The following ATXN1 variants were observed in gnomAD, a reference collection of about 807,000 sequenced individuals.
The protein encoded by ATXN1 is ataxin 1.
Under a neutral mutation model 56.4 loss-of-function variants are expected in ATXN1, and 8 were observed. That is an observed-to-expected ratio of 0.14 (90% CI 0.08 to 0.26). The LOEUF (loss-of-function observed/expected upper bound fraction) is 0.26. Among genes scored for constraint, ATXN1 ranks in the 10% least tolerant of loss-of-function variants. The probability of loss-of-function intolerance (pLI) is 1.00; values close to 1 mark genes in which losing one functional copy is unlikely to be tolerated. For missense variants in ATXN1, 987 were observed against 1,106.5 expected (o/e 0.89, Z 1.53); for synonymous variants, 514 against 494.6 (o/e 1.04, Z -0.52).
chr6:16,747,987 A>G (rs1760590225), intron 2 of ATXN1, among the ~76,000 whole-genome samples: 1 of 152,184 alleles, frequency 6.6e-6, no homozygotes, highest in African/African-American at 2.4e-5. Flanking sequence ...ATATCTGCCA[A>G]ATCTTGCAAG....
At chr6:16,705,729 A>G (rs1759393113) in intron 2 of ATXN1, among the ~76,000 whole-genome samples, 1 of 152,176 alleles carries the variant, frequency 6.6e-6, no homozygotes, top group Non-Finnish European at 1.5e-5. Flanking sequence ...GCCGCAGCAC[A>G]CAGACCTGTG....
At chr6:16,570,981 T>C (rs1481927602) in intron 4 of ATXN1, among the ~76,000 whole-genome samples, 1 of 152,150 alleles carries the variant, frequency 6.6e-6, no homozygotes, top group Non-Finnish European at 1.5e-5. Flanking sequence ...ACCTGTTTGA[T>C]GCCTGTGTGC....
chr6:16,507,828 G>A (rs1442856950), intron 5 of ATXN1, among the ~76,000 whole-genome samples: 1 of 152,122 alleles, frequency 6.6e-6, no homozygotes, highest in Non-Finnish European at 1.5e-5. Flanking sequence ...ATTCTTGGAA[G>A]TATGACTTTC....
In ATXN1 at chr6:16,327,645, C is replaced by A. The variant is rs771672680; in HGVS notation, c.666G>T (p.Gln222His). Reference sequence around the variant, plus strand: ...GAGCCCTGCTGAGGTGCTGCTGCTGCTGCTGCTGCTGCTGCTGCTGCTGCT... The same window carrying A: ...GAGCCCTGCTGAGGTGCTGCTGCTGATGCTGCTGCTGCTGCTGCTGCTGCT... ...QQQQQQQQQQ[Q>H]QQQHLSRAPG... Residue 222 changes from glutamine (Q) to histidine (H), a missense_variant, in exon 7 of 8, where the codon CAG becomes CAT. Physicochemically the swap from Gln to His is conservative, Grantham distance 24 (BLOSUM62 0). This residue lies in a region of ATXN1 where 723 missense variants were observed against 791.7 expected (regional missense o/e 0.91). Coordinates refer to ENST00000436367, the MANE Select transcript of ATXN1 (RefSeq NM_001128164.2). 2.1e-6 allele frequency: 3 copies of A among 1,449,170 alleles called. No individual in the cohort carries two copies. Among genetic ancestry groups the A allele is most frequent in the Non-Finnish European group, 2.7e-6 (3 of 1,095,958 alleles). 89.8% of individuals were successfully genotyped at this position (1,449,170 alleles called of 1,614,324 possible).
intron 3 of ATXN1, among the ~76,000 whole-genome samples, chr6:16,636,164 T>C (rs1352714476): frequency 2.0e-5 from 3 of 152,162 alleles, no homozygotes; most frequent in African/African-American, 7.2e-5. Context: ...CTCTTTCAAA[T>C]GCAAAATGTC....
intron 5 of ATXN1, among the ~76,000 whole-genome samples, chr6:16,516,197 T>C (rs1450977821): frequency 6.6e-6 from 1 of 152,220 alleles, no homozygotes; most frequent in Non-Finnish European, 1.5e-5. Flanking sequence ...GTAAATATTT[T>C]TGAGCCAGAT....
At chr6:16,756,047 C>T (rs905647794) in intron 1 of ATXN1, among the ~76,000 whole-genome samples, 6 of 151,828 alleles carry the variant, frequency 4.0e-5, no homozygotes, top group Non-Finnish European at 7.4e-5. Flanking sequence ...GGTAGTAATG[C>T]GTAATACAAA....
At chr6:16,604,473 T>C (rs1044569581) in intron 3 of ATXN1, among the ~76,000 whole-genome samples, 5 of 151,928 alleles carry the variant, frequency 3.3e-5, no homozygotes, top group African/African-American at 9.7e-5. Flanking sequence ...CTCTCCAGCC[T>C]GGGTGATGGA....
chr6:16,565,940 A>G (rs1051481342), intron 4 of ATXN1, among the ~76,000 whole-genome samples: 2 of 152,226 alleles, frequency 1.3e-5, no homozygotes, highest in African/African-American at 4.8e-5. Context: ...ATTTCCATGA[A>G]GAGGTGCCAG....
At chr6:16,451,651 A>G (rs1759755272) in intron 6 of ATXN1, among the ~76,000 whole-genome samples, 1 of 152,070 alleles carries the variant, frequency 6.6e-6, no homozygotes, top group Non-Finnish European at 1.5e-5. Context: ...GCTACTCAGA[A>G]GGCTGAGGCA....
At chr6:16,547,570 T>C (rs1761837100) in intron 4 of ATXN1, among the ~76,000 whole-genome samples, 1 of 152,126 alleles carries the variant, frequency 6.6e-6, no homozygotes, top group South Asian at 2.1e-4. Context: ...TGCATTGTCT[T>C]ACAGTCCTGG....
At chr6:16,670,341 GA>G (rs1286653014) in intron 2 of ATXN1, among the ~76,000 whole-genome samples, 1 of 152,128 alleles carries the variant, frequency 6.6e-6, no homozygotes, top group African/African-American at 2.4e-5. Flanking sequence ...GCTGGCTCTA[GA>G]AAATACAGAT....
At position 16,570,344 on chromosome 6, in the gene ATXN1, C is replaced by T. The variant is rs115374372; in HGVS notation, c.-361+15436G>A. 2.9e-3 allele frequency among the ~76,000 whole-genome samples: 447 copies of T among 152,316 alleles called. 1 individual carries two copies. The highest frequency in any genetic ancestry group is 9.9e-3 in the African/African-American group (412 of 41,582). On this transcript the variant is annotated intron_variant, in intron 4 of 7. Coordinates refer to ENST00000436367, the MANE Select transcript of ATXN1 (RefSeq NM_001128164.2). The stretch of plus-strand genomic sequence containing the variant: ...CTGAAGAAGTGAATGTGTTGAATCA[C>T]TAATCTTACTTTGAGTGTCCTTGTG...
At chr6:16,359,752 G>A (rs1160097030) in intron 6 of ATXN1, among the ~76,000 whole-genome samples, 2 of 152,012 alleles carry the variant, frequency 1.3e-5, no homozygotes, top group Non-Finnish European at 2.9e-5. Flanking sequence ...CTGGACGCAG[G>A]ACAAAAACTT....
At chr6:16,426,826 T>G (rs1449621646) in intron 6 of ATXN1, among the ~76,000 whole-genome samples, 2 of 151,022 alleles carry the variant, frequency 1.3e-5, no homozygotes, top group African/African-American at 4.9e-5. Flanking sequence ...CCCCATCTCT[T>G]AGATGTATCT....
intron 7 of ATXN1, among the ~76,000 whole-genome samples, chr6:16,309,006 T>A (rs1259919850): frequency 6.6e-6 from 1 of 151,722 alleles, no homozygotes; most frequent in African/African-American, 2.4e-5. Context: ...ACAGGGAGGA[T>A]CACTTGAGGC....
Position 16,553,395 on chromosome 6 carries a change from A to C in ATXN1, c.-360-30707T>G, listed in dbSNP as rs372797212. On this transcript the variant is annotated intron_variant, in intron 4 of 7. Transcript: ENST00000436367. The stretch of plus-strand genomic sequence containing the variant: ...TCATGGAAGTCCTGCATGGCCTTCC[A>C]AGTGAGGGTCAGTTGTCACTCCAGG... 3.3e-5 allele frequency among the ~76,000 whole-genome samples: 5 copies of C among 152,302 alleles called. No individual in the cohort carries two copies. In the East Asian group the frequency reaches 9.6e-4, roughly 29 times the overall value.
chr6:16,720,285 T>A (rs749409711), intron 2 of ATXN1, among the ~76,000 whole-genome samples: 18 of 152,132 alleles, frequency 1.2e-4, no homozygotes, highest in Non-Finnish European at 2.2e-4. Context: ...TCACTCTTTC[T>A]CCTAACATAT....
intron 4 of ATXN1, among the ~76,000 whole-genome samples, chr6:16,527,679 A>C (rs899178087): frequency 2.0e-5 from 3 of 152,202 alleles, no homozygotes; most frequent in Non-Finnish European, 2.9e-5. Context: ...TGTCTATTAC[A>C]TTTTGACCAT....
Sources: gnomAD v4.1 joint callset for allele counts (sites outside exome capture counted in the v4.1 genomes callset) on GRCh38, gnomAD v4.1.1 for gene constraint, gnomAD v4.1.1 regional missense constraint, MANE v1.5 for transcripts, NCBI Gene and HGNC (gene_info 2026-07-23, HGNC 2026-07-21) for gene names.